Variants in KARS1 observed in about 807,000 individuals in gnomAD.
KARS1 encodes the protein lysyl-tRNA synthetase 1, also known as lysine--tRNA ligase.
In KARS1, 50 loss-of-function variants were observed where a neutral mutation model predicts 63.9. That is an observed-to-expected ratio of 0.78 (90% CI 0.62 to 0.99). The LOEUF (loss-of-function observed/expected upper bound fraction) is 0.99. Ranked by LOEUF, KARS1 falls within the 50% of genes least tolerant of loss-of-function variation. The pLI is 0.00. For synonymous variants in KARS1, 320 were observed against 264.6 expected (o/e 1.21, Z -2.03); for missense variants, 816 against 754.5 (o/e 1.08, Z -0.95).
At chr16:75,645,790 T>G (rs1461510841) in intron 1 of KARS1, among the ~76,000 whole-genome samples, 1 of 130,058 alleles carries the variant, frequency 7.7e-6, no homozygotes, top group Non-Finnish European at 1.6e-5. Context: ...CAAGTTGCCG[T>G]GGGCTGAAAT....
At chr16:75,635,542 G>A (rs987124673) in intron 6 of KARS1, 138 bp downstream of exon 6, 6 of 985,460 alleles carry the variant, frequency 6.1e-6, no homozygotes, top group African/African-American at 3.2e-5. Context: ...GAACAGAGAC[G>A]ATGGCAAGAA....
At chr16:75,636,334 C>T in intron 4 of KARS1, 120 bp downstream of exon 4, 2 of 830,322 alleles carry the variant, frequency 2.4e-6, no homozygotes, top group Non-Finnish European at 4.2e-6. Context: ...TCTCAGCCTT[C>T]CCCAACCATG....
intron 6 of KARS1, chr16:75,635,431 G>A (rs1018128192): frequency 1.1e-5 from 5 of 457,576 alleles, no homozygotes; most frequent in African/African-American, 2.0e-5. Flanking sequence ...GCAAAATGAC[G>A]TGAATACATA....
At chr16:75,647,434 C>A in intron 1 of KARS1, 144 bp downstream of exon 1, 3 of 804,986 alleles carry the variant, frequency 3.7e-6, no homozygotes, top group Non-Finnish European at 6.3e-6. Flanking sequence ...GTCTGCAGGG[C>A]GCAGCCACCA....
intron 1 of KARS1, among the ~76,000 whole-genome samples, chr16:75,643,061 G>A (rs988495704): frequency 1.3e-5 from 2 of 152,160 alleles, no homozygotes; most frequent in Admixed American, 6.5e-5. Flanking sequence ...CTTATCACTT[G>A]AACCTGAAAA....
At position 75,636,482 on chromosome 16, in the gene KARS1, C is replaced by T. The variant is rs773213898; in HGVS notation, c.454G>A (p.Val152Met). Residue 152 changes from valine (V) to methionine (M), a missense_variant, in exon 4 of 14, where the codon GTG becomes ATG. Transcript: ENST00000302445. The part of the protein sequence containing the change: ...LIFYDLRGEG[V>M]KLQVMANSRN... ...GAATTGGCCATGACTTGCAACTTCA[C>T]CCCCTCTCCTCGAAGATCATAGAAG... is the stretch of plus-strand genomic sequence containing the variant. 6 of 1,612,748 alleles carry T rather than the reference C, an allele frequency of 3.7e-6. No individual in the cohort carries two copies. The highest frequency in any genetic ancestry group is 1.7e-5 in the Admixed American group (1 of 59,992).
chr16:75,633,938 G>C (rs904998480), intron 7 of KARS1: 3 of 506,280 alleles, frequency 5.9e-6, no homozygotes, highest in Non-Finnish European at 1.1e-5. Flanking sequence ...AAGTAGGTAA[G>C]GAGTGCCTGT....
chr16:75,638,866 C>T (rs1184092637), intron 3 of KARS1, among the ~76,000 whole-genome samples: 1 of 152,104 alleles, frequency 6.6e-6, no homozygotes, highest in African/African-American at 2.4e-5. Context: ...TAAAAACAAA[C>T]AATTAAAATA....
chr16:75,641,764 A>AAGAGT (rs1165152810), intron 1 of KARS1, 41 bp from the exon 2 acceptor site: 1 of 1,607,222 alleles, frequency 6.2e-7, no homozygotes, highest in South Asian at 1.1e-5. Context: ...TAGCTGCCTG[A>AAGAGT]AGAGTCCTCT....
intron 6 of KARS1, among the ~76,000 whole-genome samples, chr16:75,634,602 G>A (rs887427108): frequency 6.6e-6 from 1 of 152,156 alleles, no homozygotes; most frequent in Non-Finnish European, 1.5e-5. Context: ...TTAAGACGGA[G>A]TCTTGCTCTG....
intron 4 of KARS1, 58 bp from the exon 5 acceptor site, chr16:75,636,156 G>A: frequency 9.3e-7 from 1 of 1,072,924 alleles, no homozygotes. Flanking sequence ...CTGACCACTG[G>A]TCTCCTCTGG....
chr16:75,630,331 A>G, intron 11 of KARS1, 92 bp downstream of exon 11: 2 of 823,552 alleles, frequency 2.4e-6, no homozygotes, highest in South Asian at 2.8e-5. Flanking sequence ...CAGCAGAAAG[A>G]CCACCAGTCA....
rs754249871 is a variant in KARS1 at position 75,631,553 on chromosome 16, G to A, written c.1115C>T (p.Thr372Ile). ...GCCCTCTGGGCCATCTGGGTGGTAG[G>A]TGACCTTGTAACTGCCTGTAATATG... is the stretch of plus-strand genomic sequence containing the variant. ...VKHITGSYKV[T>I]YHPDGPEGQA... The change falls in exon 9 of 14, where the codon ACC becomes ATC. Residue 372 changes from threonine (T) to isoleucine (I), a missense_variant. Transcript: ENST00000302445. 2.5e-6 allele frequency: 4 copies of A among 1,614,176 alleles called. No homozygotes were observed. Among genetic ancestry groups the A allele is most frequent in the African/African-American group, 1.3e-5 (1 of 75,050 alleles).
At chr16:75,628,261 A>G (rs2082073115) in intron 13 of KARS1, among the ~76,000 whole-genome samples, 1 of 152,252 alleles carries the variant, frequency 6.6e-6, no homozygotes, top group East Asian at 1.9e-4. Flanking sequence ...CTCATCTATA[A>G]AAATGGGAAA....
chr16:75,646,525 G>T (rs1401050896), intron 1 of KARS1, among the ~76,000 whole-genome samples: 1 of 150,772 alleles, frequency 6.6e-6, no homozygotes, highest in East Asian at 2.0e-4. Context: ...TGGCGACAGA[G>T]CGAGACTCCA....
chr16:75,636,642 T>G lies in KARS1; in HGVS notation c.389-95A>C, dbSNP rs12599809. ...AAAACTCCCTCTGCATTTTTTTTTT[T>G]GTTTTTTTTGGGACAGAGTCTTGCT... On this transcript the variant is annotated intron_variant, in intron 3 of 13. Transcript: ENST00000302445. 109 of 763,206 alleles carry G rather than the reference T, an allele frequency of 1.4e-4. 1 individual carries two copies. The East Asian group carries it at 1.5e-3, about 11-fold the overall frequency. 47.3% of individuals were successfully genotyped at this position (763,206 alleles called of 1,614,324 possible). A position where few individuals can be genotyped will look rare whatever the true frequency, so the allele number is the denominator to read the frequency against.
chr16:75,642,179 C>A (rs1208113389), intron 1 of KARS1, among the ~76,000 whole-genome samples: 2 of 135,712 alleles, frequency 1.5e-5, no homozygotes, highest in African/African-American at 5.4e-5. Context: ...TCCAACAGTG[C>A]CAGGTCTTTT....
intron 3 of KARS1, among the ~76,000 whole-genome samples, chr16:75,638,031 C>T (rs1330978980): frequency 6.6e-6 from 1 of 151,808 alleles, no homozygotes; most frequent in African/African-American, 2.4e-5. Flanking sequence ...AAAAACGAAA[C>T]CGTGCTTCCT....
At chr16:75,645,435 G>A (rs1567506066) in intron 1 of KARS1, among the ~76,000 whole-genome samples, 1 of 152,184 alleles carries the variant, frequency 6.6e-6, no homozygotes, top group Non-Finnish European at 1.5e-5. Flanking sequence ...TTGAAAAATG[G>A]ACAATAACTC....
Sources: gnomAD v4.1 joint callset for allele counts (sites outside exome capture counted in the v4.1 genomes callset) on GRCh38, gnomAD v4.1.1 for gene constraint, MANE v1.5 for transcripts, NCBI Gene and HGNC (gene_info 2026-07-23, HGNC 2026-07-21) for gene names.